The following CAMKK1 variants were observed in gnomAD, a reference collection of about 807,000 sequenced individuals.
The protein encoded by CAMKK1 is calcium/calmodulin-dependent protein kinase kinase 1.
A neutral mutation model predicts 63.5 loss-of-function variants in CAMKK1; 20 were observed. The observed-to-expected ratio is 0.32, with a 90% CI of 0.22 to 0.46. CAMKK1 has a LOEUF of 0.46. CAMKK1 is among the 20% of genes least tolerant of loss of function. CAMKK1 has a pLI of 1.00. For missense variants in CAMKK1, 588 were observed against 658.1 expected (o/e 0.89, Z 1.17); for synonymous variants, 253 against 269.0 (o/e 0.94, Z 0.58).
chr17:3,890,808 A>T lies in CAMKK1; in HGVS notation c.-44+2131T>A. On this transcript the variant is annotated intron_variant, in intron 1 of 15. Coordinates refer to ENST00000348335, the MANE Select transcript of CAMKK1 (RefSeq NM_032294.3). This position sits in a 1 kb window ranked among gnomAD's most constrained non-coding sequence, Gnocchi z 6.5. ...CACCTCCCTCTCCTCTGCTGCCTGG[A>T]GGACAGCTCAGACATCGCCTCTTCT... 1.3e-6 allele frequency: 1 copy of T among 779,324 alleles called. No homozygotes were observed. The highest frequency in any genetic ancestry group is 2.4e-6 in the Non-Finnish European group (1 of 417,714). 48.3% of individuals were successfully genotyped at this position (779,324 alleles called of 1,614,324 possible).
rs2055675698 is a variant in CAMKK1, at chr17:3,886,847, T to C, written c.-43-1117A>G. 3.9e-5 allele frequency among the ~76,000 whole-genome samples: 6 copies of C among 152,076 alleles called. No homozygotes were observed. In the South Asian group the frequency reaches 1.0e-3, roughly 26 times the overall value. On this transcript the variant is annotated intron_variant, in intron 1 of 15. Transcript: ENST00000348335. ...GACCCCCATCTCTGTCCCAGGCTTG[T>C]AGAGCGCTGGCCATGCCCAACCTGA...
At chr17:3,888,841 G>A (rs1043781152) in intron 1 of CAMKK1, among the ~76,000 whole-genome samples, 7 of 152,172 alleles carry the variant, frequency 4.6e-5, no homozygotes, top group East Asian at 3.9e-4. Flanking sequence ...CTGGCGCCCC[G>A]GCCGCGTGTG....
intron 12 of CAMKK1, among the ~76,000 whole-genome samples, chr17:3,871,643 G>C (rs34888922): frequency 6.9e-6 from 1 of 145,232 alleles, no homozygotes; most frequent in African/African-American, 2.6e-5. Flanking sequence ...GGTGTGAGCC[G>C]CCGCACCCGG....
At chr17:3,866,844 T>G (rs550015329) in intron 14 of CAMKK1, among the ~76,000 whole-genome samples, 2 of 152,260 alleles carry the variant, frequency 1.3e-5, no homozygotes, top group South Asian at 4.1e-4. Context: ...CTCAGTCTCC[T>G]GAATAGCTGG....
rs1009359074 is a variant in CAMKK1, at chr17:3,890,363, C to T, written c.-44+2576G>A. 1.3e-5 allele frequency among the ~76,000 whole-genome samples: 2 copies of T among 152,180 alleles called. No homozygotes were observed. The highest frequency in any genetic ancestry group is 2.9e-5 in the Non-Finnish European group (2 of 68,032). On this transcript the variant is annotated intron_variant, in intron 1 of 15. Coordinates refer to ENST00000348335, the MANE Select transcript of CAMKK1 (RefSeq NM_032294.3). The surrounding 1 kb of genome is among the most constrained non-coding windows in gnomAD (Gnocchi z 6.5). ...TGACTCAGCACAGCTACCCCCAGCG[C>T]ATCGTCCTGGCCCACCCACGGAGGC...
At position 3,890,870 on chromosome 17, in the gene CAMKK1, G is replaced by A. The variant is rs2055875712; in HGVS notation, c.-44+2069C>T. 2.8e-6 allele frequency: 2 copies of A among 723,122 alleles called. No homozygotes were observed. The highest frequency in any genetic ancestry group is 1.5e-5 in the South Asian group (1 of 67,754). The allele number at this position is 723,122 out of a possible 1,614,324, so 44.8% of individuals were successfully genotyped here. A position where few individuals can be genotyped will look rare whatever the true frequency, so the allele number is the denominator to read the frequency against. On this transcript the variant is annotated intron_variant, in intron 1 of 15. Coordinates refer to ENST00000348335, the MANE Select transcript of CAMKK1 (RefSeq NM_032294.3). This position sits in a 1 kb window ranked among gnomAD's most constrained non-coding sequence, Gnocchi z 6.5. ...GATCTCCCCACTACCTGCTGGGTGA[G>A]CTCACCAAGTCAAACCCCTTAGAAG...
intron 9 of CAMKK1, 89 bp downstream of exon 9, chr17:3,880,257 G>C (rs963024025): frequency 4.5e-6 from 5 of 1,104,832 alleles, no homozygotes; most frequent in Non-Finnish European, 6.7e-6. Flanking sequence ...CTGACTGACG[G>C]GAGCTGCTCA....
In CAMKK1 at chr17:3,887,150, G is replaced by A. The variant is rs1319132330; in HGVS notation, c.-43-1420C>T. On this transcript the variant is annotated intron_variant, in intron 1 of 15. Coordinates refer to ENST00000348335, the MANE Select transcript of CAMKK1 (RefSeq NM_032294.3). The surrounding 1 kb of genome is among the most constrained non-coding windows in gnomAD (Gnocchi z 6.1). ...GGACTGGGTTCCAGTCCTGCCTGCT[G>A]ACCCACCAGGGGCCCTAGACCAGCT... 6.6e-6 allele frequency among the ~76,000 whole-genome samples: 1 copy of A among 152,114 alleles called. No individual in the cohort carries two copies. Among genetic ancestry groups the A allele is most frequent in the Non-Finnish European group, 1.5e-5 (1 of 68,014 alleles).
chr17:3,881,653 A>G lies in CAMKK1; in HGVS notation c.686-5T>C. On this transcript the variant is annotated splice_polypyrimidine_tract_variant and splice_region_variant and intron_variant, in intron 7 of 15. Coordinates refer to ENST00000348335, the MANE Select transcript of CAMKK1 (RefSeq NM_032294.3). ...CCTTTCTCAGGAGGTCAAACACTGA[A>G]AGAAAAGACAAGAAGGTAAGGTGTA... 1 of 1,565,028 alleles carries G rather than the reference A, an allele frequency of 6.4e-7. No individual in the cohort carries two copies. Among genetic ancestry groups the G allele is most frequent in the Non-Finnish European group, 8.7e-7 (1 of 1,153,012 alleles).
Position 3,869,841 on chromosome 17 carries a change from T to C in CAMKK1, c.1172A>G (p.Asp391Gly). 6.2e-7 allele frequency: 1 copy of C among 1,614,246 alleles called. No homozygotes were observed. The highest frequency in any genetic ancestry group is 8.5e-7 in the Non-Finnish European group (1 of 1,180,042). The part of the protein sequence containing the change: ...ELKDLILKML[D>G]KNPETRIGVP... The stretch of plus-strand genomic sequence containing the variant: ...CCCAATTCTCGTCTCGGGATTCTTG[T>C]CTAACATCTTCAGGATCAGGTCCTT... The change falls in exon 13 of 16, where the codon GAC (aspartate) becomes GGC (glycine). Residue 391 changes from aspartate to glycine, a missense_variant. Asp to Gly is a moderately conservative substitution (Grantham distance 94). Coordinates refer to ENST00000348335, the MANE Select transcript of CAMKK1 (RefSeq NM_032294.3).
intron 8 of CAMKK1, among the ~76,000 whole-genome samples, 155 bp downstream of exon 8, chr17:3,881,472 G>A (rs2055408420): frequency 6.6e-6 from 1 of 152,136 alleles, no homozygotes; most frequent in Non-Finnish European, 1.5e-5. Flanking sequence ...AGCCTTCAAA[G>A]AATGGTCCTC....
rs1010364587 is a variant in CAMKK1 at position 3,889,669 on chromosome 17, G to A, written c.-44+3270C>T. Among the ~76,000 whole-genome samples the A allele has an allele frequency of 2.0e-5, 3 of 152,116 alleles. No homozygotes were observed. Among genetic ancestry groups the A allele is most frequent in the Non-Finnish European group, 4.4e-5 (3 of 68,016 alleles). On this transcript the variant is annotated intron_variant, in intron 1 of 15. Coordinates refer to ENST00000348335, the MANE Select transcript of CAMKK1 (RefSeq NM_032294.3). This position sits in a 1 kb window ranked among gnomAD's most constrained non-coding sequence, Gnocchi z 5.2. ...GTCCAAGAGAGCCTTGATGTGCAAG[G>A]TCCAACCCCACCTCTGCCCCCAGCT...
At position 3,892,521 on chromosome 17, in the gene CAMKK1, C is replaced by A. The variant is rs1381694609; in HGVS notation, c.-44+418G>T. 1.3e-5 allele frequency among the ~76,000 whole-genome samples: 2 copies of A among 152,156 alleles called. No individual in the cohort carries two copies. Among genetic ancestry groups the A allele is most frequent in the Non-Finnish European group, 2.9e-5 (2 of 68,006 alleles). ...TCATCTCCCACCCCGCCCCCGGCTC[C>A]TGCAGGAAGACGCTCCGGCGGGCCG... On this transcript the variant is annotated intron_variant, in intron 1 of 15. Transcript: ENST00000348335. The surrounding 1 kb of genome is among the most constrained non-coding windows in gnomAD (Gnocchi z 7.5).
At chr17:3,876,187 CTTG>C in intron 10 of CAMKK1, 33 bp downstream of exon 10, 1 of 1,594,990 alleles carries the variant, frequency 6.3e-7, no homozygotes, top group Non-Finnish European at 8.6e-7. Context: ...ACGCCCCCCA[CTTG>C]AACCCCAGCC....
At chr17:3,872,433 C>G in intron 12 of CAMKK1, 121 bp downstream of exon 12, 1 of 783,456 alleles carries the variant, frequency 1.3e-6, no homozygotes, top group Non-Finnish European at 2.2e-6. Context: ...TCCCAGGGAA[C>G]AGCACCGCCA....
chr17:3,866,142 A>G (rs962500195), intron 14 of CAMKK1, 131 bp from the exon 15 acceptor site: 1 of 1,099,632 alleles, frequency 9.1e-7, no homozygotes, highest in Admixed American at 2.3e-5. Context: ...CACAGCATGA[A>G]ATGGCAGAGG....
At position 3,861,629 on chromosome 17, in the gene CAMKK1, C is replaced by CAAAAGT. The variant is rs917733892; in HGVS notation, c.*576_*581dup. ...TCTCCCCGAACCCCCAGGTTAAAAA[C>CAAAAGT]AAAAGTAAAAGACAACAAAAAAGGA... On this transcript the variant is annotated 3_prime_UTR_variant, in exon 16 of 16. Coordinates refer to ENST00000348335, the MANE Select transcript of CAMKK1 (RefSeq NM_032294.3). The CAAAAGT allele has an allele frequency of 6.5e-6, 1 of 153,234 alleles. No homozygotes were observed. Among genetic ancestry groups the CAAAAGT allele is most frequent in the Non-Finnish European group, 1.5e-5 (1 of 68,720 alleles). 9.5% of individuals were successfully genotyped at this position (153,234 alleles called of 1,614,324 possible).
Position 3,882,234 on chromosome 17 carries a change from TGC to T in CAMKK1, c.685+292_685+293del. 1.9e-6 allele frequency: 3 copies of T among 1,556,216 alleles called. No individual in the cohort carries two copies. Among genetic ancestry groups the T allele is most frequent in the Non-Finnish European group, 2.6e-6 (3 of 1,133,716 alleles). On this transcript the variant is annotated intron_variant, in intron 7 of 15. Transcript: ENST00000348335. This position sits in a 1 kb window ranked among gnomAD's most constrained non-coding sequence, Gnocchi z 4.3. Reference sequence around the variant, plus strand: ...CAGAGCTACAGTGTCTGGGAACCCATGCAGCCTGCTTCCTGCATCTACCTGAG... The same window carrying T: ...CAGAGCTACAGTGTCTGGGAACCCATAGCCTGCTTCCTGCATCTACCTGAG...
chr17:3,884,639 G>A lies in CAMKK1; in HGVS notation c.361-212C>T, dbSNP rs1244496374. ...GTGGCTCATGTTTGAAAACATGGAT[G>A]GTGACGCCATGGCTGTGCCTTGTTC... On this transcript the variant is annotated intron_variant, in intron 2 of 15. Transcript: ENST00000348335. This position sits in a 1 kb window ranked among gnomAD's most constrained non-coding sequence, Gnocchi z 4.5. Among the ~76,000 whole-genome samples the A allele has an allele frequency of 5.3e-5, 8 of 152,238 alleles. No individual in the cohort carries two copies. Among genetic ancestry groups the A allele is most frequent in the Admixed American group, 5.2e-4 (8 of 15,288 alleles).
Sources: allele counts gnomAD v4.1 joint callset (sites outside exome capture counted in the v4.1 genomes callset), GRCh38; gene constraint gnomAD v4.1.1; non-coding constraint Gnocchi (gnomAD v3.1); transcripts MANE v1.5; gene names NCBI Gene and HGNC (gene_info 2026-07-23, HGNC 2026-07-21).